Variants in PRKG1 observed in about 807,000 individuals in gnomAD.
PRKG1 encodes the protein cGMP-dependent protein kinase 1.
In PRKG1, 35 loss-of-function variants were observed where a neutral mutation model predicts 88.1. That is an observed-to-expected ratio of 0.40 (90% CI 0.30 to 0.53). The LOEUF (loss-of-function observed/expected upper bound fraction) is 0.53. PRKG1 is among the 20% of genes least tolerant of loss of function. The pLI, the probability that PRKG1 is intolerant of heterozygous loss-of-function variation, is 0.59. For synonymous variants in PRKG1, 303 were observed against 292.5 expected (o/e 1.04, Z -0.37); for missense variants, 540 against 839.8 (o/e 0.64, Z 4.41).
At chr10:51,982,349 C>A (rs913951296) in intron 5 of PRKG1, among the ~76,000 whole-genome samples, 1 of 152,036 alleles carries the variant, frequency 6.6e-6, no homozygotes, top group African/African-American at 2.4e-5. Flanking sequence ...CAACTTTTGC[C>A]GGAGGGGTAG....
intron 5 of PRKG1, among the ~76,000 whole-genome samples, chr10:51,945,257 A>C (rs1842999239): frequency 6.7e-6 from 1 of 149,644 alleles, no homozygotes; most frequent in South Asian, 2.2e-4. Flanking sequence ...AGTGTGTTTT[A>C]TCAGAGACTA....
At chr10:51,994,258 GA>G (rs1844381319) in intron 5 of PRKG1, among the ~76,000 whole-genome samples, 2 of 152,120 alleles carry the variant, frequency 1.3e-5, no homozygotes, top group East Asian at 3.8e-4. Flanking sequence ...TTTTATGTTA[GA>G]GAGTGAGAAT....
At chr10:51,887,165 C>T (rs1422203086) in intron 4 of PRKG1, among the ~76,000 whole-genome samples, 3 of 151,996 alleles carry the variant, frequency 2.0e-5, no homozygotes, top group African/African-American at 7.2e-5. Context: ...TTGTGTTTTT[C>T]GTAGAGACAG....
chr10:52,151,165 GACT>G (rs1026442689), intron 8 of PRKG1, among the ~76,000 whole-genome samples: 64 of 152,174 alleles, frequency 4.2e-4, no homozygotes, highest in African/African-American at 1.5e-3. Context: ...TTGGTGTGTA[GACT>G]ATTTTGTACT....
intron 5 of PRKG1, among the ~76,000 whole-genome samples, chr10:51,991,904 T>C (rs986814256): frequency 3.9e-5 from 6 of 152,224 alleles, no homozygotes; most frequent in African/African-American, 1.2e-4. Flanking sequence ...AGTAATGGGA[T>C]GGCCTAAACT....
chr10:51,848,321 A>T (rs1434394668), intron 4 of PRKG1, among the ~76,000 whole-genome samples: 2 of 152,226 alleles, frequency 1.3e-5, no homozygotes, highest in Non-Finnish European at 2.9e-5. Context: ...AGAAAAAAAT[A>T]ACTAGTGAAA....
intron 2 of PRKG1, among the ~76,000 whole-genome samples, chr10:51,350,355 C>CCACTAAGTAACTAAATACTA (rs1193356743): frequency 2.0e-5 from 3 of 152,142 alleles, no homozygotes; most frequent in Non-Finnish European, 4.4e-5. Flanking sequence ...AGTGGGGAGT[C>CCACTAAGTAACTAAATACTA]AGGTAGATGG....
intron 2 of PRKG1, among the ~76,000 whole-genome samples, chr10:51,165,760 T>C (rs1281230745): frequency 2.0e-5 from 3 of 152,138 alleles, no homozygotes; most frequent in Admixed American, 1.3e-4. Context: ...TTCACAAATA[T>C]GTAATGGTAT....
intron 2 of PRKG1, among the ~76,000 whole-genome samples, chr10:51,378,936 C>G (rs1842867718): frequency 1.3e-5 from 2 of 152,052 alleles, no homozygotes; most frequent in South Asian, 4.1e-4. Flanking sequence ...TAAATGTAAG[C>G]CACAGTTTTT....
intron 3 of PRKG1, among the ~76,000 whole-genome samples, chr10:51,599,720 A>G (rs1838548492): frequency 6.6e-6 from 1 of 152,194 alleles, no homozygotes; most frequent in African/African-American, 2.4e-5. Flanking sequence ...TTTTACCATT[A>G]TAACCTTCCG....
intron 1 of PRKG1, among the ~76,000 whole-genome samples, chr10:51,136,423 T>C (rs1845686780): frequency 6.6e-6 from 1 of 152,072 alleles, no homozygotes; most frequent in Admixed American, 6.5e-5. Flanking sequence ...GATAGTAATT[T>C]CAGCGAAATT....
chr10:51,735,961 C>T lies in PRKG1; in HGVS notation c.593-68624C>T, dbSNP rs747846372. 9.1e-4 allele frequency among the ~76,000 whole-genome samples: 113 copies of T among 123,998 alleles called. 2 individuals carry two copies. The Middle Eastern group carries it at 0.017, about 18-fold the overall frequency. The allele number at this position is 123,998 out of a possible 152,430, so 81.3% of individuals were successfully genotyped here. ...TTTTTTTTTTTTTTTTTGGAGTGCA[C>T]GACTCACTGCAGCCTCGACCTTCTG... On this transcript the variant is annotated intron_variant, in intron 3 of 17. Transcript: ENST00000373980.
At chr10:51,535,305 T>C (rs1226820298) in intron 3 of PRKG1, among the ~76,000 whole-genome samples, 1 of 152,204 alleles carries the variant, frequency 6.6e-6, no homozygotes, top group Non-Finnish European at 1.5e-5. Flanking sequence ...TGCAGTATTA[T>C]CTCTGTTTCC....
intron 3 of PRKG1, among the ~76,000 whole-genome samples, chr10:51,596,637 G>A (rs564082905): frequency 1.7e-4 from 26 of 152,090 alleles, no homozygotes; most frequent in African/African-American, 6.3e-4. Context: ...AGGTATTTGA[G>A]ATGTTGTCCA....
chr10:51,507,031 C>G (rs1286042791), intron 3 of PRKG1, among the ~76,000 whole-genome samples: 1 of 151,992 alleles, frequency 6.6e-6, no homozygotes, highest in Non-Finnish European at 1.5e-5. Flanking sequence ...AACCATCATT[C>G]TCAGCAAACT....
chr10:52,143,130 T>A (rs545801198), intron 8 of PRKG1, among the ~76,000 whole-genome samples: 2 of 152,120 alleles, frequency 1.3e-5, no homozygotes, highest in Non-Finnish European at 2.9e-5. Flanking sequence ...TTAGAACATA[T>A]AGAAATAGCA....
intron 2 of PRKG1, among the ~76,000 whole-genome samples, chr10:51,235,892 G>A (rs948251473): frequency 2.0e-5 from 3 of 152,112 alleles, no homozygotes; most frequent in Non-Finnish European, 2.9e-5. Flanking sequence ...ATATTTGGAG[G>A]GGAGAGAAAT....
chr10:51,610,091 C>T (rs1487070217), intron 3 of PRKG1, among the ~76,000 whole-genome samples: 1 of 152,080 alleles, frequency 6.6e-6, no homozygotes, highest in Admixed American at 6.6e-5. Context: ...TAAGTCAGGA[C>T]ATTTAGGGTA....
intron 3 of PRKG1, among the ~76,000 whole-genome samples, chr10:51,623,080 A>G (rs1056380492): frequency 1.3e-5 from 2 of 152,248 alleles, no homozygotes; most frequent in Non-Finnish European, 2.9e-5. Flanking sequence ...ATTTACAAAT[A>G]TCTTCATACT....
Sources: allele counts gnomAD v4.1 joint callset (sites outside exome capture counted in the v4.1 genomes callset), GRCh38; gene constraint gnomAD v4.1.1; transcripts MANE v1.5; gene names NCBI Gene and HGNC (gene_info 2026-07-23, HGNC 2026-07-21).